The following TMEM212 variants were observed in gnomAD, a reference collection of about 807,000 sequenced individuals.
The protein encoded by TMEM212 is transmembrane protein 212.
Under a neutral mutation model 20.5 loss-of-function variants are expected in TMEM212, and 23 were observed. That is an observed-to-expected ratio of 1.12 (90% CI 0.81 to 1.59). TMEM212 has a LOEUF of 1.59. Among genes scored for constraint, TMEM212 ranks in the 40% most tolerant of loss-of-function variants. TMEM212 has a pLI of 0.00. For missense variants in TMEM212, 211 were observed against 215.0 expected, an observed-to-expected ratio of 0.98 and a Z score of 0.12; for synonymous variants, 76 against 81.6, an observed-to-expected ratio of 0.93 and a Z score of 0.37.
chr3:171,857,729 C>A (rs1002936842), intron 4 of TMEM212, among the ~76,000 whole-genome samples: 1 of 152,066 alleles, frequency 6.6e-6, no homozygotes, highest in Admixed American at 6.6e-5. Context: ...AAATGACCTG[C>A]GTAGACATTT....
intron 1 of TMEM212, among the ~76,000 whole-genome samples, chr3:171,845,333 AAAC>A (rs929128012): frequency 2.7e-4 from 41 of 152,306 alleles, no homozygotes; most frequent in African/African-American, 9.6e-4. Flanking sequence ...TATATCTATA[AAAC>A]AAAAGTTGCT....
intron 1 of TMEM212, among the ~76,000 whole-genome samples, chr3:171,849,127 G>C: frequency 6.6e-6 from 1 of 151,916 alleles, no homozygotes; most frequent in South Asian, 2.1e-4. Context: ...TGCTCCCTAA[G>C]CATGGCAGCC....
intron 3 of TMEM212, among the ~76,000 whole-genome samples, chr3:171,855,460 CA>C (rs1371898456): frequency 6.6e-6 from 1 of 151,822 alleles, no homozygotes; most frequent in African/African-American, 2.4e-5. Context: ...TAAAAATACA[CA>C]AAAAAATTAG....
At chr3:171,850,220 C>T (rs954411050) in intron 1 of TMEM212, among the ~76,000 whole-genome samples, 1 of 152,132 alleles carries the variant, frequency 6.6e-6, no homozygotes. Flanking sequence ...AAGATGGGTG[C>T]GCTAACCTCT....
intron 1 of TMEM212, among the ~76,000 whole-genome samples, chr3:171,846,450 A>C (rs1295971571): frequency 1.3e-5 from 2 of 152,166 alleles, no homozygotes; most frequent in Non-Finnish European, 2.9e-5. Context: ...ACAAATGTAT[A>C]TTGTAGAAGG....
Position 171,848,088 on chromosome 3 carries a change from C to T in TMEM212, c.160-3894C>T, listed in dbSNP as rs143951151. On this transcript the variant is annotated intron_variant, in intron 1 of 4. Coordinates refer to ENST00000334567, the MANE Select transcript of TMEM212 (RefSeq NM_001164436.2). ...AACCATTTTTTTTCTTCTCCAACTT[C>T]CCTGTCATTGTCTTGGTAACTCAAT... Among the ~76,000 whole-genome samples, 18 of 152,318 alleles carry T rather than the reference C, an allele frequency of 1.2e-4. 1 individual carries two copies. In the East Asian group the frequency reaches 2.7e-3, roughly 23 times the overall value.
chr3:171,856,478 T>A (rs971149287), intron 3 of TMEM212, among the ~76,000 whole-genome samples, 185 bp from the exon 4 acceptor site: 1 of 152,184 alleles, frequency 6.6e-6, no homozygotes, highest in Admixed American at 6.5e-5. Flanking sequence ...ATATCCTTCA[T>A]ATGCAAGCCA....
At chr3:171,853,323 GA>G (rs201293595) in intron 2 of TMEM212, among the ~76,000 whole-genome samples, 1,245 of 110,528 alleles carry the variant, frequency 0.011, 7 homozygotes, top group Non-Finnish European at 0.016. Context: ...CTTAAAAAGT[GA>G]AAAAAAAAAA....
chr3:171,847,727 T>G (rs936560370), intron 1 of TMEM212, among the ~76,000 whole-genome samples: 1 of 152,022 alleles, frequency 6.6e-6, no homozygotes, highest in Non-Finnish European at 1.5e-5. Flanking sequence ...ATTCTGGCTA[T>G]ACAGACCTAC....
chr3:171,852,954 A>G (rs1358461076), intron 2 of TMEM212, among the ~76,000 whole-genome samples: 1 of 152,272 alleles, frequency 6.6e-6, no homozygotes, highest in East Asian at 1.9e-4. Flanking sequence ...AGGGGATATC[A>G]GTGCTACTGA....
intron 4 of TMEM212, among the ~76,000 whole-genome samples, chr3:171,857,400 G>T (rs1243018376): frequency 6.6e-6 from 1 of 152,122 alleles, no homozygotes; most frequent in Non-Finnish European, 1.5e-5. Flanking sequence ...AACTTAAAAT[G>T]GATTAAAGAT....
chr3:171,844,443 C>T (rs1048998805), intron 1 of TMEM212, among the ~76,000 whole-genome samples: 10 of 152,166 alleles, frequency 6.6e-5, no homozygotes, highest in African/African-American at 2.4e-4. Context: ...CATGGTGGCT[C>T]ACGCTTGTAA....
chr3:171,846,163 G>A (rs551704775), intron 1 of TMEM212, among the ~76,000 whole-genome samples: 162 of 152,220 alleles, frequency 1.1e-3, no homozygotes, highest in Middle Eastern at 3.4e-3. Flanking sequence ...ATGTGTTTCT[G>A]CCTCAGGGCC....
intron 1 of TMEM212, among the ~76,000 whole-genome samples, chr3:171,847,229 A>G (rs1389971123): frequency 6.6e-6 from 1 of 152,244 alleles, no homozygotes; most frequent in African/African-American, 2.4e-5. Flanking sequence ...TTGTAGATCA[A>G]GTTCTGATGA....
At position 171,844,046 on chromosome 3, in the gene TMEM212, A is replaced by G. The variant is rs143809220; in HGVS notation, c.159+504A>G. Among the ~76,000 whole-genome samples the G allele has an allele frequency of 4.7e-4, 71 of 152,346 alleles. 2 individuals carry two copies. The East Asian group carries it at 0.013, about 28-fold the overall frequency. ...CAAGCAACTGTTTGAACTGAAAATA[A>G]CTCAATAATTTTCAATTATTTGAAA... On this transcript the variant is annotated intron_variant, in intron 1 of 4. Transcript: ENST00000334567.
At chr3:171,848,103 G>A (rs1724880779) in intron 1 of TMEM212, among the ~76,000 whole-genome samples, 2 of 151,924 alleles carry the variant, frequency 1.3e-5, no homozygotes, top group Admixed American at 1.3e-4. Context: ...TCATTGTCTT[G>A]GTAACTCAAT....
rs1239905725 is a variant in TMEM212, at chr3:171,853,768, G to T, written c.461G>T (p.Cys154Phe). ...YHLTLQALDL[C>F]LSFTLLCTSL... ...CTGACACTTCAAGCCCTAGACCTGT[G>T]CCTAAGCTTTACCCTACTCTGTACA... Residue 154 changes from cysteine to phenylalanine, a missense_variant, in exon 3 of 5, where the codon TGC (cysteine) becomes TTC (phenylalanine). By Grantham distance (205) the Cys-to-Phe change is radical (BLOSUM62 -2). Coordinates refer to ENST00000334567, the MANE Select transcript of TMEM212 (RefSeq NM_001164436.2). 6.5e-7 allele frequency: 1 copy of T among 1,537,274 alleles called. No individual in the cohort carries two copies. Among genetic ancestry groups the T allele is most frequent in the Admixed American group, 2.0e-5 (1 of 50,972 alleles).
At chr3:171,846,874 C>T (rs1724846161) in intron 1 of TMEM212, among the ~76,000 whole-genome samples, 1 of 152,178 alleles carries the variant, frequency 6.6e-6, no homozygotes, top group Non-Finnish European at 1.5e-5. Flanking sequence ...TCTTAACTTG[C>T]CTCCAAAGTA....
At chr3:171,849,829 CA>C in intron 1 of TMEM212, among the ~76,000 whole-genome samples, 1 of 152,242 alleles carries the variant, frequency 6.6e-6, no homozygotes. Context: ...GTAATTGTTG[CA>C]AAACCCAGCT....
Sources: gnomAD v4.1 joint callset for allele counts (sites outside exome capture counted in the v4.1 genomes callset) on GRCh38, gnomAD v4.1.1 for gene constraint, MANE v1.5 for transcripts, NCBI Gene and HGNC (gene_info 2026-07-23, HGNC 2026-07-21) for gene names.